Variants in HECTD4 observed in about 807,000 individuals in gnomAD.
HECTD4 encodes HECT domain E3 ubiquitin protein ligase 4.
In HECTD4, 114 loss-of-function variants were observed where a neutral mutation model predicts 471.5. That is an observed-to-expected ratio of 0.24 (90% CI 0.21 to 0.28). The LOEUF is 0.28. Among genes scored for constraint, HECTD4 ranks in the 10% least tolerant of loss-of-function variants. The pLI, the probability that HECTD4 is intolerant of heterozygous loss-of-function variation, is 1.00. For missense variants in HECTD4, 3,866 were observed against 5,651.5 expected, an observed-to-expected ratio of 0.68 and a Z score of 10.13; for synonymous variants, 2,012 against 2,256.0, an observed-to-expected ratio of 0.89 and a Z score of 3.07.
intron 7 of HECTD4, among the ~76,000 whole-genome samples, chr12:112,296,591 G>T (rs190907181): frequency 5.9e-5 from 9 of 151,786 alleles, no homozygotes; most frequent in African/African-American, 1.7e-4. Context: ...AGGTGCAGAT[G>T]GTGTAGGTGC....
At chr12:112,306,737 C>T (rs147910225) in intron 6 of HECTD4, among the ~76,000 whole-genome samples, 1,580 of 152,034 alleles carry the variant, frequency 0.01, 14 homozygotes, top group Non-Finnish European at 0.016. Context: ...AAAAAAGAGA[C>T]AGCAAAAGAA....
At chr12:112,209,991 A>G (rs2032713982) in intron 50 of HECTD4, 24 bp downstream of exon 50, 1 of 1,561,826 alleles carries the variant, frequency 6.4e-7, no homozygotes, top group African/African-American at 1.4e-5. Flanking sequence ...CCATGGAGGC[A>G]GTAAGTTCCA....
intron 48 of HECTD4, among the ~76,000 whole-genome samples, chr12:112,214,313 C>T (rs1308942152): frequency 6.6e-6 from 1 of 152,198 alleles, no homozygotes; most frequent in Non-Finnish European, 1.5e-5. Flanking sequence ...CTTTTGTAAA[C>T]TCTCCAGTAA....
At chr12:112,191,039 C>T (rs1026883258) in intron 59 of HECTD4, 74 bp from the exon 60 acceptor site, 1 of 1,293,432 alleles carries the variant, frequency 7.7e-7, no homozygotes, top group African/African-American at 1.5e-5. Flanking sequence ...AAAGGTCCTG[C>T]CAGGTGTGCA....
At position 112,265,196 on chromosome 12, in the gene HECTD4, T is replaced by C. The variant is rs1463963494; in HGVS notation, c.2598A>G (p.Gln866=). Reference sequence around the variant, plus strand: ...TTACAGGCACAGTTGAAAGGAGCTTTTGAAAATCATCTTTAGAGACAGTTT... The same window carrying C: ...TTACAGGCACAGTTGAAAGGAGCTTCTGAAAATCATCTTTAGAGACAGTTT... ...KCQTVSKDDF[Q]KLLSTVPAAS... The change falls in exon 16 of 76, where the codon CAA becomes CAG. Residue 866 remains glutamine, a synonymous_variant. Coordinates refer to ENST00000682272, the MANE Select transcript of HECTD4 (RefSeq NM_001388303.1). 18 of 1,602,512 alleles carry C rather than the reference T, an allele frequency of 1.1e-5. No individual in the cohort carries two copies. The highest frequency in any genetic ancestry group is 1.4e-5 in the Non-Finnish European group (16 of 1,175,404).
intron 70 of HECTD4, among the ~76,000 whole-genome samples, chr12:112,168,426 G>A (rs1357550921): frequency 1.3e-5 from 2 of 152,210 alleles, no homozygotes; most frequent in East Asian, 1.9e-4. Flanking sequence ...AAAGGGCAAC[G>A]GTAACTGCTC....
chr12:112,306,267 G>C, intron 6 of HECTD4, 33 bp from the exon 7 acceptor site: 1 of 1,436,288 alleles, frequency 7.0e-7, no homozygotes, highest in Non-Finnish European at 9.2e-7. Context: ...CTCCATTAGA[G>C]CCACATATAA....
rs2035172301 is a variant in HECTD4 at position 112,301,854 on chromosome 12, A to G, written c.1335+4210T>C. ...TTTTCATTATTTTTATGTACAGAAA[A>G]CTCAACAGTATACATTTAACCCAGT... On this transcript the variant is annotated intron_variant, in intron 7 of 75. Transcript: ENST00000682272. The G allele has an allele frequency of 5.2e-6, 4 of 768,210 alleles. No individual in the cohort carries two copies. In the South Asian group the frequency reaches 6.0e-5, roughly 12 times the overall value. 47.6% of individuals were successfully genotyped at this position (768,210 alleles called of 1,614,324 possible).
At chr12:112,288,318 C>CA (rs34194692) in intron 7 of HECTD4, among the ~76,000 whole-genome samples, 14,468 of 74,946 alleles carry the variant, frequency 0.19, 1,933 homozygotes, top group East Asian at 0.82. Flanking sequence ...GACTCTGTCT[C>CA]AAAAAAAAAA....
In HECTD4 at chr12:112,381,849, G is replaced by GCC; in HGVS notation, c.177+101_177+102dup. 1.2e-6 allele frequency: 1 copy of GCC among 848,658 alleles called. No individual in the cohort carries two copies. Among genetic ancestry groups the GCC allele is most frequent in the Non-Finnish European group, 1.5e-6 (1 of 645,704 alleles). The allele number at this position is 848,658 out of a possible 1,614,324, so 52.6% of individuals were successfully genotyped here. A position where few individuals can be genotyped will look rare whatever the true frequency, so the allele number is the denominator to read the frequency against. On this transcript the variant is annotated intron_variant, in intron 1 of 75. Coordinates refer to ENST00000682272, the MANE Select transcript of HECTD4 (RefSeq NM_001388303.1). This position sits in a 1 kb window ranked among gnomAD's most constrained non-coding sequence, Gnocchi z 4.1. ...CCCACACACACCTGCCCCGGCAGCC[G>GCC]CCGGGAGGCGAGGCCGCGGCTGAGG...
rs7307923 is a variant in HECTD4 at position 112,308,479 on chromosome 12, T to C, written c.1164+274A>G. Reference sequence around the variant, plus strand: ...AAAACAAAAAAAAAAAACCAGCTAGTATTTATACCATCTTTGACTGTCTAG... The same window carrying C: ...AAAACAAAAAAAAAAAACCAGCTAGCATTTATACCATCTTTGACTGTCTAG... On this transcript the variant is annotated intron_variant, in intron 6 of 75. Transcript: ENST00000682272. Among the ~76,000 whole-genome samples the C allele has an allele frequency of 7.5e-3, 1,126 of 149,234 alleles. 13 individuals are homozygous for C. Among genetic ancestry groups the C allele is most frequent in the African/African-American group, 0.025 (1,034 of 40,696 alleles).
chr12:112,181,027 C>T (rs537153205), intron 62 of HECTD4, among the ~76,000 whole-genome samples: 23 of 151,854 alleles, frequency 1.5e-4, no homozygotes, highest in South Asian at 6.2e-4. Flanking sequence ...TTTGGGAGGC[C>T]GAGGCAGGCC....
intron 2 of HECTD4, among the ~76,000 whole-genome samples, chr12:112,315,291 C>T (rs1243597589): frequency 3.3e-5 from 5 of 152,186 alleles, no homozygotes; most frequent in Non-Finnish European, 7.4e-5. Flanking sequence ...CGACTTGCTG[C>T]CTTAGTCTCT....
At chr12:112,219,846 T>C (rs567554781) in intron 44 of HECTD4, among the ~76,000 whole-genome samples, 10 of 152,226 alleles carry the variant, frequency 6.6e-5, no homozygotes, top group African/African-American at 2.4e-4. Flanking sequence ...GTGATCCGCC[T>C]GCCTCAGCCT....
chr12:112,162,510 A>G lies in HECTD4; in HGVS notation c.13134T>C (p.Ser4378=), dbSNP rs780844632. 1.2e-5 allele frequency: 19 copies of G among 1,613,870 alleles called. No individual in the cohort carries two copies. Among genetic ancestry groups the G allele is most frequent in the Non-Finnish European group, 3.4e-6 (4 of 1,179,886 alleles). The change falls in exon 76 of 76, where the codon TCT becomes TCC. Residue 4378 remains serine (S), a synonymous_variant. Transcript: ENST00000682272. This position sits in a 1 kb window ranked among gnomAD's most constrained non-coding sequence, Gnocchi z 5.2. ...PPDGTAGSPD[S]RYIRVETCMF... The stretch of plus-strand genomic sequence containing the variant: ...TGCAGGTCTCCACGCGGATGTAGCG[A>G]GAGTCTGGGGAACCTACAAGAAACC...
chr12:112,167,291 C>G (rs542189426), intron 72 of HECTD4, 26 bp downstream of exon 72: 2 of 1,566,958 alleles, frequency 1.3e-6, no homozygotes, highest in South Asian at 1.2e-5. Context: ...GTTCTGCAGC[C>G]CCCCAGAACT....
Position 112,279,320 on chromosome 12 carries a change from T to C in HECTD4, c.1595A>G (p.Tyr532Cys), listed in dbSNP as rs771861093. Residue 532 changes from tyrosine (Y) to cysteine (C), a missense_variant, in exon 9 of 76, where the codon TAC becomes TGC. Transcript: ENST00000682272. ...RKTPIYTCGT[Y>C]LVMLVPPPGG... ...TGGAGGAGGCACCAGCATCACCAAG[T>C]AGGTGCCACAGGTATATATGGGTGT... The C allele has an allele frequency of 1.5e-5, 24 of 1,612,878 alleles. No homozygotes were observed. The South Asian group carries it at 2.3e-4, about 16-fold the overall frequency.
chr12:112,252,345 C>A, intron 23 of HECTD4, 79 bp downstream of exon 23: 1 of 1,412,594 alleles, frequency 7.1e-7, no homozygotes, highest in Non-Finnish European at 9.4e-7. Flanking sequence ...GCCCTGTTTC[C>A]AAGGCAAATA....
At chr12:112,332,653 G>A (rs2035864613) in intron 1 of HECTD4, among the ~76,000 whole-genome samples, 1 of 150,594 alleles carries the variant, frequency 6.6e-6, no homozygotes, top group Non-Finnish European at 1.5e-5. Flanking sequence ...GTGACTTTAC[G>A]GACTCCTTTT....
Sources: allele counts gnomAD v4.1 joint callset (sites outside exome capture counted in the v4.1 genomes callset), GRCh38; gene constraint gnomAD v4.1.1; non-coding constraint Gnocchi (gnomAD v3.1); transcripts MANE v1.5; gene names NCBI Gene and HGNC (gene_info 2026-07-23, HGNC 2026-07-21).